IFT88: variants seen among roughly 807,000 people sequenced by gnomAD.
IFT88 encodes intraflagellar transport protein 88 homolog.
Under a neutral mutation model 119.5 loss-of-function variants are expected in IFT88, and 74 were observed. The ratio of observed to expected loss-of-function variants is 0.62; its 90% CI spans 0.51 to 0.75. IFT88 has a LOEUF of 0.75. IFT88 is among the 30% of genes least tolerant of loss of function. IFT88 has a pLI of 0.00. For missense variants in IFT88, 961 were observed against 977.7 expected (o/e 0.98, Z 0.23); for synonymous variants, 279 against 316.7 (o/e 0.88, Z 1.26).
chr13:20,629,563 A>G (rs534844194), intron 15 of IFT88, among the ~76,000 whole-genome samples: 3 of 152,358 alleles, frequency 2.0e-5, no homozygotes, highest in East Asian at 1.9e-4. Flanking sequence ...TGTGCAAATA[A>G]TAATAAATAA....
At chr13:20,575,187 C>A (rs2037149357) in intron 2 of IFT88, among the ~76,000 whole-genome samples, 1 of 151,868 alleles carries the variant, frequency 6.6e-6, no homozygotes, top group Non-Finnish European at 1.5e-5. Context: ...TTTTTAGATC[C>A]CAGAAATAAG....
intron 14 of IFT88, among the ~76,000 whole-genome samples, chr13:20,618,591 C>T (rs567943027): frequency 1.3e-5 from 2 of 152,236 alleles, no homozygotes; most frequent in East Asian, 3.9e-4. Context: ...CTATACTATG[C>T]AAATAGTTCT....
At chr13:20,608,419 C>T (rs1274999153) in intron 13 of IFT88, among the ~76,000 whole-genome samples, 3 of 152,130 alleles carry the variant, frequency 2.0e-5, no homozygotes, top group Non-Finnish European at 2.9e-5. Context: ...ATCTGAGGGC[C>T]GGGTCCCTGC....
At chr13:20,636,575 A>C (rs959938408) in intron 16 of IFT88, among the ~76,000 whole-genome samples, 1 of 151,836 alleles carries the variant, frequency 6.6e-6, no homozygotes, top group Admixed American at 6.6e-5. Flanking sequence ...CCTCCATCCC[A>C]CTCTGTGGGT....
chr13:20,574,555 T>A, intron 2 of IFT88, 80 bp downstream of exon 2: 1 of 667,374 alleles, frequency 1.5e-6, no homozygotes, highest in Admixed American at 2.6e-5. Flanking sequence ...AGAGTTCTAC[T>A]TTATTATGCT....
At chr13:20,617,863 G>A (rs936571756) in intron 14 of IFT88, among the ~76,000 whole-genome samples, 9 of 151,268 alleles carry the variant, frequency 5.9e-5, no homozygotes, top group East Asian at 5.8e-4. Context: ...GTGTGATCTC[G>A]GCTCACTGCA....
At chr13:20,645,192 C>G (rs1314893496) in intron 20 of IFT88, among the ~76,000 whole-genome samples, 1 of 152,036 alleles carries the variant, frequency 6.6e-6, no homozygotes, top group East Asian at 1.9e-4. Flanking sequence ...CAGGTTCAAG[C>G]GATTCTCCTG....
intron 16 of IFT88, among the ~76,000 whole-genome samples, chr13:20,633,263 G>A (rs1370167783): frequency 2.0e-5 from 3 of 152,128 alleles, no homozygotes; most frequent in South Asian, 2.1e-4. Flanking sequence ...GAAACCTCAG[G>A]AAACTTATAA....
chr13:20,593,575 A>G (rs2041105936), intron 7 of IFT88, among the ~76,000 whole-genome samples: 1 of 151,566 alleles, frequency 6.6e-6, no homozygotes, highest in African/African-American at 2.4e-5. Context: ...CCCAGTATTT[A>G]GGCTTTCGTG....
chr13:20,668,675 G>A lies in IFT88; in HGVS notation c.2176-2298G>A, dbSNP rs78821919. Among the ~76,000 whole-genome samples the A allele has an allele frequency of 1.2e-3, 179 of 152,314 alleles. 1 individual carries two copies. The highest frequency in any genetic ancestry group is 4.2e-3 in the African/African-American group (173 of 41,574). On this transcript the variant is annotated intron_variant, in intron 23 of 25. Coordinates refer to ENST00000351808, the MANE Select transcript of IFT88 (RefSeq NM_006531.5). ...ACAAACCGGTAGAGTCGGACCCTGAGCATAATGAGAGCACATGGAGCCAGT... is the reference window on the plus strand; with the variant it reads ...ACAAACCGGTAGAGTCGGACCCTGAACATAATGAGAGCACATGGAGCCAGT...
At chr13:20,573,105 C>T (rs1403999295) in intron 1 of IFT88, among the ~76,000 whole-genome samples, 3 of 152,090 alleles carry the variant, frequency 2.0e-5, no homozygotes, top group Non-Finnish European at 2.9e-5. Flanking sequence ...TCCAGAGAGG[C>T]GTGGGAGTGA....
intron 4 of IFT88, 41 bp downstream of exon 4, chr13:20,589,908 C>T (rs748134579): frequency 2.0e-5 from 24 of 1,199,070 alleles, no homozygotes; most frequent in African/African-American, 4.5e-5. Context: ...TGCTTTTTCT[C>T]ATACAATAGT....
At chr13:20,644,627 T>C (rs547186815) in intron 19 of IFT88, among the ~76,000 whole-genome samples, 1 of 152,324 alleles carries the variant, frequency 6.6e-6, no homozygotes, top group South Asian at 2.1e-4. Flanking sequence ...TATATTGTTA[T>C]ATCAAAAGTA....
intron 1 of IFT88, among the ~76,000 whole-genome samples, chr13:20,573,578 G>A (rs555718109): frequency 1.5e-3 from 228 of 152,218 alleles, no homozygotes; most frequent in African/African-American, 5.1e-3. Flanking sequence ...GAATTGCTGG[G>A]TGATAAAAGG....
At chr13:20,577,636 GTCGATATGATGTA>G (rs1399465442) in intron 2 of IFT88, among the ~76,000 whole-genome samples, 1 of 152,116 alleles carries the variant, frequency 6.6e-6, no homozygotes, top group East Asian at 1.9e-4. Context: ...TCTTTATTCT[GTCGATATGATGTA>G]TTACATTGAT....
At chr13:20,612,206 A>G (rs1022156111) in intron 13 of IFT88, 2 of 152,234 alleles carry the variant, frequency 1.3e-5, no homozygotes, top group African/African-American at 4.8e-5. Flanking sequence ...GTATTTGTAT[A>G]TCTGATGCTT....
chr13:20,607,508 A>G, intron 13 of IFT88: 1 of 690,226 alleles, frequency 1.4e-6, no homozygotes, highest in Non-Finnish European at 2.7e-6. Flanking sequence ...GTCTTTTGAC[A>G]TGTGGGGAGG....
chr13:20,659,761 A>G (rs1310668841), intron 22 of IFT88, among the ~76,000 whole-genome samples: 2 of 151,742 alleles, frequency 1.3e-5, no homozygotes, highest in African/African-American at 4.8e-5. Flanking sequence ...CTCCTGCCTC[A>G]GCCTCCCAAG....
At chr13:20,680,707 G>T (rs569356325) in intron 24 of IFT88, among the ~76,000 whole-genome samples, 1 of 152,158 alleles carries the variant, frequency 6.6e-6, no homozygotes, top group Non-Finnish European at 1.5e-5. Context: ...CAACCGGGGG[G>T]TCCTCGGGTT....
Sources: gnomAD v4.1 joint callset for allele counts (sites outside exome capture counted in the v4.1 genomes callset) on GRCh38, gnomAD v4.1.1 for gene constraint, MANE v1.5 for transcripts, NCBI Gene and HGNC (gene_info 2026-07-23, HGNC 2026-07-21) for gene names.